Variants in NCOA4 observed in about 807,000 individuals in gnomAD.
NCOA4 encodes nuclear receptor coactivator 4, also known as 70 kDa AR-activator.
A neutral mutation model predicts 69.5 loss-of-function variants in NCOA4; 31 were observed. The ratio of observed to expected loss-of-function variants is 0.45; its 90% CI spans 0.34 to 0.60. NCOA4 has a LOEUF of 0.60. Among genes scored for constraint, NCOA4 ranks in the 20% least tolerant of loss-of-function variants. The pLI is 0.02. For missense variants in NCOA4, 600 were observed against 719.2 expected, an observed-to-expected ratio of 0.83 and a Z score of 1.90; for synonymous variants, 228 against 252.4, an observed-to-expected ratio of 0.90 and a Z score of 0.92.
At chr10:46,014,214 A>C (rs1006516149) in intron 5 of NCOA4, among the ~76,000 whole-genome samples, 2 of 152,016 alleles carry the variant, frequency 1.3e-5, no homozygotes, top group African/African-American at 4.8e-5. Context: ...ATGGGTTTTC[A>C]CCATGTTGGC....
intron 7 of NCOA4, among the ~76,000 whole-genome samples, chr10:46,012,274 C>T (rs1839280460): frequency 6.6e-6 from 1 of 151,966 alleles, no homozygotes; most frequent in African/African-American, 2.4e-5. Context: ...TTGGCAACTT[C>T]CTGGGAAGCC....
rs1839152966 is a variant in NCOA4 at position 46,010,670 on chromosome 10, C to A, written c.1251G>T (p.Val417=). 1.2e-6 allele frequency: 2 copies of A among 1,614,198 alleles called. No homozygotes were observed. Among genetic ancestry groups the A allele is most frequent in the African/African-American group, 1.3e-5 (1 of 75,056 alleles). Residue 417 remains valine (V), a synonymous_variant, in exon 8 of 10, where the codon GTG becomes GTT. Coordinates refer to ENST00000581486, the MANE Select transcript of NCOA4 (RefSeq NM_001145263.2). ...NEPCTSFAEC[V]CDENCEKEAL... ...CCTCCTTCTCACAATTCTCATCACA[C>A]ACACACTCTGCAAAGCTTGTGCAGG...
At chr10:46,014,743 T>C in intron 4 of NCOA4, 111 bp downstream of exon 4, 1 of 892,646 alleles carries the variant, frequency 1.1e-6, no homozygotes, top group Non-Finnish European at 1.7e-6. Context: ...GATCTTATCC[T>C]AGCAACACAG....
intron 8 of NCOA4, 92 bp downstream of exon 8, chr10:46,010,131 G>A: frequency 1.4e-6 from 2 of 1,441,330 alleles, no homozygotes; most frequent in Non-Finnish European, 1.8e-6. Flanking sequence ...TCGCACCACT[G>A]CACTCCAGCC....
Position 46,010,254 on chromosome 10 carries a change from TCTC to T in NCOA4, c.1664_1666del (p.Gly555del), listed in dbSNP as rs782525817. On this transcript the variant is annotated inframe_deletion, in exon 8 of 10. Coordinates refer to ENST00000581486, the MANE Select transcript of NCOA4 (RefSeq NM_001145263.2). ...CTTCTTTCGAAGCAGCCACTTGTCT[TCTC>T]CAGAAGATAACTGGCTGAGGTTGCC... is the stretch of plus-strand genomic sequence containing the variant. 1 of 1,610,460 alleles carries T rather than the reference TCTC, an allele frequency of 6.2e-7. No homozygotes were observed. Among genetic ancestry groups the T allele is most frequent in the Non-Finnish European group, 8.5e-7 (1 of 1,178,918 alleles).
Position 46,005,959 on chromosome 10 carries a change from A to G in NCOA4, c.*633T>C. The G allele has an allele frequency of 4.9e-6, 1 of 205,862 alleles. No individual in the cohort carries two copies. The highest frequency in any genetic ancestry group is 9.9e-6 in the Non-Finnish European group (1 of 100,734). 12.8% of individuals were successfully genotyped at this position (205,862 alleles called of 1,614,324 possible). On this transcript the variant is annotated 3_prime_UTR_variant, in exon 10 of 10. Transcript: ENST00000581486. ...ATTTTAATAACATTTACAGAAAGAC[A>G]AAATTTGCAGTAGCTGAGTTTAAGT...
Position 46,012,070 on chromosome 10 carries a change from G to GAAAAAAAAAAAAAAAAAA in NCOA4, c.714+795_714+812dup, listed in dbSNP as rs71026286. Among the ~76,000 whole-genome samples the GAAAAAAAAAAAAAAAAAA allele has an allele frequency of 2.1e-3, 95 of 44,532 alleles. 12 individuals carry two copies. Among genetic ancestry groups the GAAAAAAAAAAAAAAAAAA allele is most frequent in the African/African-American group, 2.5e-3 (32 of 12,972 alleles). 29.2% of individuals were successfully genotyped at this position (44,532 alleles called of 152,430 possible). ...AGCAAGACTCGGTCTCAAAAAGAAA[G>GAAAAAAAAAAAAAAAAAA]AAAAAAAAAAAAAAAAAAAAAAAAA... On this transcript the variant is annotated intron_variant, in intron 7 of 9. Transcript: ENST00000581486.
At chr10:46,021,677 TGGC>T (rs2132365995) in intron 1 of NCOA4, among the ~76,000 whole-genome samples, 1 of 152,152 alleles carries the variant, frequency 6.6e-6, no homozygotes, top group South Asian at 2.1e-4. Flanking sequence ...AAAATAGTAC[TGGC>T]CGGGCGCGGT....
chr10:46,014,939 A>G lies in NCOA4; in HGVS notation c.286T>C (p.Leu96=), dbSNP rs782569311. The change falls in exon 4 of 10, where the codon TTG becomes CTG. Residue 96 remains leucine, a synonymous_variant. Coordinates refer to ENST00000581486, the MANE Select transcript of NCOA4 (RefSeq NM_001145263.2). Reference sequence around the variant, plus strand: ...TGAGTAAGACAATTGAACTGGCCCAATAACTAAAAGAAAAATGAAACCAAC... The same window carrying G: ...TGAGTAAGACAATTGAACTGGCCCAGTAACTAAAAGAAAAATGAAACCAAC... ...QQQAQQLYSL[L]GQFNCLTHQL... 39 of 1,613,514 alleles carry G rather than the reference A, an allele frequency of 2.4e-5. No individual in the cohort carries two copies. Among genetic ancestry groups the G allele is most frequent in the African/African-American group, 1.1e-4 (8 of 74,876 alleles).
rs188572206 is a variant in NCOA4 at position 46,028,750 on chromosome 10, C to G, written c.-15+1776G>C. 7.2e-5 allele frequency among the ~76,000 whole-genome samples: 11 copies of G among 151,884 alleles called. No homozygotes were observed. In the East Asian group the frequency reaches 2.1e-3, roughly 29 times the overall value. ...CTAAACTGACACTACTGTGATAGTCCCTGAGAACACAATGGTGAGCTTGCC... is the reference window on the plus strand; with the variant it reads ...CTAAACTGACACTACTGTGATAGTCGCTGAGAACACAATGGTGAGCTTGCC... On this transcript the variant is annotated intron_variant, in intron 1 of 9. Coordinates refer to ENST00000581486, the MANE Select transcript of NCOA4 (RefSeq NM_001145263.2).
chr10:46,015,776 A>C (rs1388578948), intron 2 of NCOA4, among the ~76,000 whole-genome samples: 4 of 152,242 alleles, frequency 2.6e-5, no homozygotes, highest in African/African-American at 4.8e-5. Context: ...TGAGCGGTCC[A>C]TTTACAGGAG....
At chr10:46,027,862 G>C (rs1190070917) in intron 1 of NCOA4, among the ~76,000 whole-genome samples, 1 of 152,208 alleles carries the variant, frequency 6.6e-6, no homozygotes, top group Admixed American at 6.5e-5. Flanking sequence ...TTCTTGGAAA[G>C]ATCTGATGAC....
intron 1 of NCOA4, among the ~76,000 whole-genome samples, chr10:46,017,574 T>C (rs1164390214): frequency 3.3e-5 from 5 of 151,948 alleles, no homozygotes; most frequent in Non-Finnish European, 5.9e-5. Flanking sequence ...ATAACAGATA[T>C]AGAGATACAT....
At position 46,029,297 on chromosome 10, in the gene NCOA4, C is replaced by T. The variant is rs116420310; in HGVS notation, c.-15+1229G>A. On this transcript the variant is annotated intron_variant, in intron 1 of 9. Transcript: ENST00000581486. Reference sequence around the variant, plus strand: ...GCAGGAAAGGAGAAAATGAAAGGAACGTTATTGTGCTGGACTTTACATACA... The same window carrying T: ...GCAGGAAAGGAGAAAATGAAAGGAATGTTATTGTGCTGGACTTTACATACA... Among the ~76,000 whole-genome samples the T allele has an allele frequency of 4.5e-3, 689 of 152,304 alleles. 5 individuals carry two copies. Among genetic ancestry groups the T allele is most frequent in the East Asian group, 0.019 (98 of 5,194 alleles).
At chr10:46,012,577 C>G (rs782399701) in intron 7 of NCOA4, among the ~76,000 whole-genome samples, 8 of 151,728 alleles carry the variant, frequency 5.3e-5, no homozygotes, top group Non-Finnish European at 1.0e-4. Context: ...CAGAATGGTT[C>G]TTTTAAAATA....
Position 46,016,643 on chromosome 10 carries a change from T to C in NCOA4, c.38A>G (p.Asn13Ser), listed in dbSNP as rs1554923311. Residue 13 changes from asparagine (N) to serine (S), a missense_variant, in exon 2 of 10, where the codon AAT becomes AGT. Physicochemically the swap from Asn to Ser is conservative, Grantham distance 46 (BLOSUM62 1). Coordinates refer to ENST00000581486, the MANE Select transcript of NCOA4 (RefSeq NM_001145263.2). ...TFQDQSGSSS[N>S]REPLLRCSDA... Reference sequence around the variant, plus strand: ...ACTACACCTCAAAAGGGGTTCTCTATTACTGGAGCTGCCACTCTGGTCTTG... The same window carrying C: ...ACTACACCTCAAAAGGGGTTCTCTACTACTGGAGCTGCCACTCTGGTCTTG... 2.0e-6 allele frequency: 3 copies of C among 1,537,632 alleles called. No homozygotes were observed. Among genetic ancestry groups the C allele is most frequent in the Non-Finnish European group, 2.6e-6 (3 of 1,132,808 alleles).
intron 2 of NCOA4, among the ~76,000 whole-genome samples, chr10:46,015,559 CCTT>C (rs1554923020): frequency 6.6e-6 from 1 of 152,166 alleles, no homozygotes; most frequent in African/African-American, 2.4e-5. Context: ...ACTCTAAAAT[CCTT>C]CTTCAATACC....
chr10:46,014,389 A>C (rs1839411452), intron 5 of NCOA4, 55 bp downstream of exon 5: 1 of 1,281,354 alleles, frequency 7.8e-7, no homozygotes, highest in South Asian at 1.3e-5. Flanking sequence ...TTTTAAGACC[A>C]GCTGTGAGGC....
intron 7 of NCOA4, among the ~76,000 whole-genome samples, chr10:46,011,775 C>CG (rs879957928): frequency 2.0e-5 from 3 of 151,494 alleles, no homozygotes; most frequent in Non-Finnish European, 4.4e-5. Context: ...AATACTTGGC[C>CG]GGGTACGGTG....
Sources: allele counts gnomAD v4.1 joint callset (sites outside exome capture counted in the v4.1 genomes callset), GRCh38; gene constraint gnomAD v4.1.1; transcripts MANE v1.5; gene names NCBI Gene and HGNC (gene_info 2026-07-23, HGNC 2026-07-21).